Variants in VPS41 observed in about 807,000 individuals in gnomAD.
VPS41 encodes the protein vacuolar protein sorting-associated protein 41 homolog.
Under a neutral mutation model 130.9 loss-of-function variants are expected in VPS41, and 85 were observed. That is an observed-to-expected ratio of 0.65 (90% CI 0.55 to 0.78). The LOEUF is 0.78. VPS41 is among the 30% of genes least tolerant of loss of function. The pLI is 0.00. For synonymous variants in VPS41, 335 were observed against 332.9 expected (o/e 1.01, Z -0.07); for missense variants, 874 against 1,018.7 (o/e 0.86, Z 1.93).
In VPS41 at chr7:38,795,525, G is replaced by A; in HGVS notation, c.657C>T (p.Pro219=). ...DDISLRPDMY[P]CSLCWKDNVT... ...CATTGTCCTTCCAGCAGAGGCTGCA[G>A]GGATACATGTCTGGGCGAAGACTTA... Residue 219 remains proline, a synonymous_variant, in exon 9 of 29, where the codon CCC becomes CCT. Coordinates refer to ENST00000310301, the MANE Select transcript of VPS41 (RefSeq NM_014396.4). 6.2e-7 allele frequency: 1 copy of A among 1,613,684 alleles called. No homozygotes were observed. Among genetic ancestry groups the A allele is most frequent in the South Asian group, 1.1e-5 (1 of 91,014 alleles).
chr7:38,834,630 G>A (rs1285596258), intron 4 of VPS41, among the ~76,000 whole-genome samples: 1 of 152,078 alleles, frequency 6.6e-6, no homozygotes, highest in Non-Finnish European at 1.5e-5. Flanking sequence ...CTGTTAGCAT[G>A]GTGATGATCT....
rs37473 is a variant in VPS41 at position 38,816,037 on chromosome 7, G to T, written c.450+1780C>A. Among the ~76,000 whole-genome samples the T allele has an allele frequency of 6.1e-3, 930 of 152,148 alleles. 8 individuals carry two copies. The highest frequency in any genetic ancestry group is 0.024 in the Middle Eastern group (7 of 294). ...CACAAAATTTCTTAACCCAAAAAGT[G>T]TTTAGTGAAGAAATACGAGAGGAAT... is the stretch of plus-strand genomic sequence containing the variant. On this transcript the variant is annotated intron_variant, in intron 7 of 28. Transcript: ENST00000310301.
At chr7:38,802,506 TAG>T (rs1367111478) in intron 7 of VPS41, among the ~76,000 whole-genome samples, 2 of 152,164 alleles carry the variant, frequency 1.3e-5, no homozygotes, top group Non-Finnish European at 2.9e-5. Context: ...TGATTTGACA[TAG>T]AGTTTCATAC....
At chr7:38,906,519 T>C (rs1341325317) in intron 1 of VPS41, among the ~76,000 whole-genome samples, 1 of 152,090 alleles carries the variant, frequency 6.6e-6, no homozygotes, top group Non-Finnish European at 1.5e-5. Flanking sequence ...TTGTAATTTT[T>C]GTAGAGATAG....
At chr7:38,817,452 T>C (rs1785075963) in intron 7 of VPS41, among the ~76,000 whole-genome samples, 1 of 152,050 alleles carries the variant, frequency 6.6e-6, no homozygotes, top group Admixed American at 6.6e-5. Flanking sequence ...ACCCCAACTC[T>C]ACTAAAAATA....
chr7:38,837,401 G>A (rs1785517941), intron 4 of VPS41, among the ~76,000 whole-genome samples: 1 of 152,192 alleles, frequency 6.6e-6, no homozygotes, highest in Non-Finnish European at 1.5e-5. Context: ...GCTCAGGTGA[G>A]CTTCTCTGGT....
chr7:38,796,097 C>T (rs143555458), intron 8 of VPS41, among the ~76,000 whole-genome samples: 2 of 152,260 alleles, frequency 1.3e-5, no homozygotes, highest in East Asian at 3.9e-4. Flanking sequence ...TTACCTTCAT[C>T]GTGACCCAGG....
At chr7:38,752,401 C>T in intron 21 of VPS41, 88 bp from the exon 22 acceptor site, 1 of 1,504,836 alleles carries the variant, frequency 6.6e-7, no homozygotes, top group Non-Finnish European at 9.0e-7. Context: ...CTAAACACCT[C>T]CCATGGACAG....
intron 7 of VPS41, among the ~76,000 whole-genome samples, chr7:38,811,247 C>A (rs1259859531): frequency 1.3e-5 from 2 of 152,050 alleles, no homozygotes; most frequent in Non-Finnish European, 2.9e-5. Context: ...ATAATCTTTA[C>A]AAGTACATAC....
chr7:38,881,028 C>CAT (rs1277345536), intron 2 of VPS41, among the ~76,000 whole-genome samples: 1 of 152,158 alleles, frequency 6.6e-6, no homozygotes, highest in African/African-American at 2.4e-5. Flanking sequence ...GAGACAAGGT[C>CAT]ATTCAATCAA....
At chr7:38,834,340 C>T (rs893895165) in intron 4 of VPS41, among the ~76,000 whole-genome samples, 1 of 152,190 alleles carries the variant, frequency 6.6e-6, no homozygotes, top group Non-Finnish European at 1.5e-5. Flanking sequence ...CCTGAGAGGT[C>T]TTAATATTCC....
chr7:38,844,974 A>G (rs1396651618), intron 4 of VPS41, among the ~76,000 whole-genome samples: 1 of 152,164 alleles, frequency 6.6e-6, no homozygotes. Context: ...GGGGCACGGA[A>G]CGGCCTTTCC....
chr7:38,905,634 A>T (rs932563163), intron 1 of VPS41, among the ~76,000 whole-genome samples: 23 of 152,210 alleles, frequency 1.5e-4, no homozygotes, highest in Non-Finnish European at 7.3e-5. Context: ...CCAAAGAAAC[A>T]ACACTCACGA....
intron 21 of VPS41, among the ~76,000 whole-genome samples, chr7:38,753,081 A>G (rs573530807): frequency 6.6e-6 from 1 of 152,286 alleles, no homozygotes; most frequent in East Asian, 1.9e-4. Flanking sequence ...TCAATACAGT[A>G]CTCAGAAGTC....
intron 25 of VPS41, among the ~76,000 whole-genome samples, chr7:38,740,284 T>C (rs987271619): frequency 4.6e-5 from 7 of 152,148 alleles, no homozygotes; most frequent in Non-Finnish European, 8.8e-5. Flanking sequence ...TAAGGGTCAA[T>C]GAAGTAAAGG....
intron 19 of VPS41, among the ~76,000 whole-genome samples, chr7:38,755,287 T>C (rs1318422823): frequency 6.6e-6 from 1 of 152,168 alleles, no homozygotes; most frequent in Non-Finnish European, 1.5e-5. Flanking sequence ...ATGGAGAGCA[T>C]CTCTTTACCA....
chr7:38,792,981 T>C (rs926343605), intron 9 of VPS41, among the ~76,000 whole-genome samples: 3 of 152,264 alleles, frequency 2.0e-5, no homozygotes, highest in East Asian at 3.9e-4. Flanking sequence ...CAGGCCCCCA[T>C]AGAGCTGTAT....
At chr7:38,760,983 A>C (rs1335968135) in intron 17 of VPS41, among the ~76,000 whole-genome samples, 2 of 152,176 alleles carry the variant, frequency 1.3e-5, no homozygotes, top group African/African-American at 2.4e-5. Context: ...ATGGCAAGAG[A>C]CCAGAACAAA....
chr7:38,728,207 A>G, intron 27 of VPS41: 1 of 485,354 alleles, frequency 2.1e-6, no homozygotes. Context: ...CAGTGGCATC[A>G]ACATTACCTG....
Sources: gnomAD v4.1 joint callset for allele counts (sites outside exome capture counted in the v4.1 genomes callset) on GRCh38, gnomAD v4.1.1 for gene constraint, MANE v1.5 for transcripts, NCBI Gene and HGNC (gene_info 2026-07-23, HGNC 2026-07-21) for gene names.